SPOCD1: variants seen among roughly 807,000 people sequenced by gnomAD.
SPOCD1 encodes the protein SPOC domain containing 1, also known as SPOC domain-containing protein 1.
A neutral mutation model predicts 92.2 loss-of-function variants in SPOCD1; 64 were observed. The observed-to-expected ratio is 0.69, with a 90% CI of 0.57 to 0.86. SPOCD1 has a LOEUF of 0.86. Among genes scored for constraint, SPOCD1 ranks in the 40% least tolerant of loss-of-function variants. The pLI, the probability that SPOCD1 is intolerant of heterozygous loss-of-function variation, is 0.00. For missense variants in SPOCD1, 1,360 were observed against 1,543.1 expected, an observed-to-expected ratio of 0.88 and a Z score of 1.99; for synonymous variants, 578 against 619.3, an observed-to-expected ratio of 0.93 and a Z score of 0.99.
intron 4 of SPOCD1, 88 bp downstream of exon 4, chr1:31,800,353 C>G: frequency 1.4e-6 from 2 of 1,448,894 alleles, no homozygotes; most frequent in Non-Finnish European, 1.8e-6. Flanking sequence ...CAAGTGGCAC[C>G]CTCTCTCTGA....
intron 10 of SPOCD1, chr1:31,795,570 T>C (rs1176056934): frequency 6.8e-6 from 1 of 148,144 alleles, no homozygotes; most frequent in East Asian, 2.1e-4. Flanking sequence ...GTCTTTCTCC[T>C]ACATTGCCAT....
In SPOCD1 at chr1:31,798,826, G is replaced by C; in HGVS notation, c.1869-225C>G. 1.7e-6 allele frequency: 1 copy of C among 601,748 alleles called. No homozygotes were observed. 37.3% of individuals were successfully genotyped at this position (601,748 alleles called of 1,614,324 possible). ...TACTGGGGCTCAGGGAAAATAAGAG[G>C]CTTACTCACAACTGTGTAATTAGTG... On this transcript the variant is annotated intron_variant, in intron 7 of 15. Transcript: ENST00000360482. This position sits in a 1 kb window ranked among gnomAD's most constrained non-coding sequence, Gnocchi z 4.1.
intron 9 of SPOCD1, among the ~76,000 whole-genome samples, chr1:31,797,720 C>T (rs796949669): frequency 2.6e-5 from 4 of 152,346 alleles, no homozygotes; most frequent in African/African-American, 9.6e-5. Flanking sequence ...AGTGCCACAG[C>T]TTCCCTGTCC....
rs1259874119 is a variant in SPOCD1 at position 31,790,873 on chromosome 1, T to C, written c.3381A>G (p.Ala1127=). 13 of 1,576,490 alleles carry C rather than the reference T, an allele frequency of 8.2e-6. No homozygotes were observed. The highest frequency in any genetic ancestry group is 1.2e-5 in the South Asian group (1 of 85,092). The change falls in exon 16 of 16, where the codon GCA becomes GCG. Residue 1127 remains alanine, a synonymous_variant. Transcript: ENST00000360482. ...CACGGCCAAAGCCATGACCAGCTGG[T>C]GCTACTGAATAGGGATGCTGGGACT... ...LRQSQHPYSV[A]PAGHGFGRGQ...
Position 31,790,718 on chromosome 1 carries a change from A to G in SPOCD1, c.3536T>C (p.Leu1179Pro). ...TGCAAGGGCGCTAGACAAACGCTGC[A>G]GAGGGCGGGGGATGGAGCTCTTGGT... is the stretch of plus-strand genomic sequence containing the variant. ...PQTKSSIPRP[L>P]QRLSSALAAP... The change falls in exon 16 of 16, where the codon CTG becomes CCG. Residue 1179 changes from leucine (L) to proline (P), a missense_variant. By Grantham distance (98) the Leu-to-Pro change is moderately conservative. Coordinates refer to ENST00000360482, the MANE Select transcript of SPOCD1 (RefSeq NM_144569.7). 1 of 1,551,956 alleles carries G rather than the reference A, an allele frequency of 6.4e-7. No homozygotes were observed. The highest frequency in any genetic ancestry group is 8.7e-7 in the Non-Finnish European group (1 of 1,147,108).
Position 31,792,385 on chromosome 1 carries a change from C to A in SPOCD1, c.2792G>T (p.Arg931Ile). 1.2e-6 allele frequency: 2 copies of A among 1,613,668 alleles called. No homozygotes were observed. Among genetic ancestry groups the A allele is most frequent in the South Asian group, 1.1e-5 (1 of 91,034 alleles). Reference protein sequence around the residue: ...PAKAKDVCVVRLCPHGARDTQ... With the variant: ...PAKAKDVCVVILCPHGARDTQ... ...GTCCCGGGCCCCATGTGGGCACAGT[C>A]TGACCACGCAGACGTCCTGCGGTGG... Residue 931 changes from arginine to isoleucine, a missense_variant, in exon 15 of 16, where the codon AGA becomes ATA. Physicochemically the swap from Arg to Ile is moderately conservative, Grantham distance 97. Coordinates refer to ENST00000360482, the MANE Select transcript of SPOCD1 (RefSeq NM_144569.7).
Position 31,791,035 on chromosome 1 carries a change from C to T in SPOCD1, c.3219G>A (p.Gln1073=), listed in dbSNP as rs753586259. 9 of 1,612,026 alleles carry T rather than the reference C, an allele frequency of 5.6e-6. No individual in the cohort carries two copies. Among genetic ancestry groups the T allele is most frequent in the Admixed American group, 1.7e-5 (1 of 59,858 alleles). ...CCCTTGGAGCTATACTGCCCCTGCC[C>T]TGGCTCTGCTGCCAGGCACCTCCTG... ...PPPGGAWQQS[Q]GRGSIAPRGI... The change falls in exon 16 of 16, where the codon CAG becomes CAA. Residue 1073 remains glutamine, a synonymous_variant. Coordinates refer to ENST00000360482, the MANE Select transcript of SPOCD1 (RefSeq NM_144569.7).
chr1:31,790,526 G>T lies in SPOCD1; in HGVS notation c.*77C>A. 2.3e-6 allele frequency: 3 copies of T among 1,324,212 alleles called. No individual in the cohort carries two copies. The highest frequency in any genetic ancestry group is 3.1e-6 in the Non-Finnish European group (3 of 962,778). The allele number at this position is 1,324,212 out of a possible 1,614,324, so 82.0% of individuals were successfully genotyped here. On this transcript the variant is annotated 3_prime_UTR_variant, in exon 16 of 16. Coordinates refer to ENST00000360482, the MANE Select transcript of SPOCD1 (RefSeq NM_144569.7). The stretch of plus-strand genomic sequence containing the variant: ...GGGTAGGGCTGACCATCCTCTCCTT[G>T]CAGTCCCACCTCTCTCTGGAACAGG...
chr1:31,814,692 A>C lies in SPOCD1; in HGVS notation c.642T>G (p.Ala214=). 6.3e-7 allele frequency: 1 copy of C among 1,589,672 alleles called. No individual in the cohort carries two copies. The highest frequency in any genetic ancestry group is 2.2e-5 in the East Asian group (1 of 44,768). Reference sequence around the variant, plus strand: ...CAGCCCCTTCCTCACACTCTGAATGAGCCCCTTGCCTCCTCCATTTCTTTC... The same window carrying C: ...CAGCCCCTTCCTCACACTCTGAATGCGCCCCTTGCCTCCTCCATTTCTTTC... ...RVRKKWRRQG[A]HSECEEGAGD... is the part of the protein sequence containing the mutation. Residue 214 remains alanine, a synonymous_variant, in exon 2 of 16, where the codon GCT becomes GCG. Transcript: ENST00000360482. The surrounding 1 kb of genome is among the most constrained non-coding windows in gnomAD (Gnocchi z 4.2).
At chr1:31,810,352 G>GA (rs1649117063) in intron 2 of SPOCD1, among the ~76,000 whole-genome samples, 1 of 102,678 alleles carries the variant, frequency 9.7e-6, no homozygotes, top group Admixed American at 1.1e-4. Flanking sequence ...TATTAGTGTT[G>GA]AATTTTTTTT....
At chr1:31,812,871 G>A (rs192714011) in intron 2 of SPOCD1, among the ~76,000 whole-genome samples, 19 of 152,324 alleles carry the variant, frequency 1.2e-4, no homozygotes, top group African/African-American at 3.8e-4. Context: ...CTCCGTGGAC[G>A]TCGTGTGAAG....
chr1:31,797,808 G>A (rs1402525434), intron 9 of SPOCD1, among the ~76,000 whole-genome samples: 1 of 152,152 alleles, frequency 6.6e-6, no homozygotes, highest in Non-Finnish European at 1.5e-5. Flanking sequence ...GGGGCTATGG[G>A]GCCCCTCCCC....
chr1:31,795,619 G>C (rs1302810186), intron 10 of SPOCD1: 1 of 152,012 alleles, frequency 6.6e-6, no homozygotes, highest in Non-Finnish European at 1.5e-5. Flanking sequence ...TTAGACTGAG[G>C]AGCAGCCACA....
Position 31,798,123 on chromosome 1 carries a change from T to C in SPOCD1, c.2145+84A>G. On this transcript the variant is annotated intron_variant, in intron 9 of 15. Transcript: ENST00000360482. This position sits in a 1 kb window ranked among gnomAD's most constrained non-coding sequence, Gnocchi z 4.1. ...TGAATTCCTCCTCCCTCCCTCCCTG[T>C]CTCTGTCTCTCCCTCTTCCACTCTC... 2 of 1,004,728 alleles carry C rather than the reference T, an allele frequency of 2.0e-6. No homozygotes were observed. Among genetic ancestry groups the C allele is most frequent in the South Asian group, 1.3e-5 (1 of 78,006 alleles). 62.2% of individuals were successfully genotyped at this position (1,004,728 alleles called of 1,614,324 possible). A position where few individuals can be genotyped will look rare whatever the true frequency, so the allele number is the denominator to read the frequency against.
At chr1:31,796,140 C>T (rs868466994) in intron 10 of SPOCD1, 2 of 276,540 alleles carry the variant, frequency 7.2e-6, no homozygotes, top group East Asian at 9.9e-5. Context: ...TCCAGGAGGC[C>T]CTCTGGATGG....
chr1:31,803,325 T>C (rs1648585600), intron 2 of SPOCD1, among the ~76,000 whole-genome samples: 1 of 151,582 alleles, frequency 6.6e-6, no homozygotes, highest in Non-Finnish European at 1.5e-5. Flanking sequence ...AATATAACGA[T>C]CTTAATTAAA....
intron 2 of SPOCD1, among the ~76,000 whole-genome samples, chr1:31,804,936 T>G (rs1648714702): frequency 6.6e-6 from 1 of 151,888 alleles, no homozygotes; most frequent in Admixed American, 6.6e-5. Context: ...CCTTTATACT[T>G]TGATAAGTTA....
chr1:31,809,855 G>A (rs1164171224), intron 2 of SPOCD1, among the ~76,000 whole-genome samples: 1 of 152,048 alleles, frequency 6.6e-6, no homozygotes, highest in East Asian at 1.9e-4. Flanking sequence ...CCTGACACTC[G>A]ACCACCCTGC....
At chr1:31,809,816 C>T (rs545596740) in intron 2 of SPOCD1, among the ~76,000 whole-genome samples, 28 of 152,116 alleles carry the variant, frequency 1.8e-4, no homozygotes, top group Non-Finnish European at 3.2e-4. Flanking sequence ...TGATAAAGTT[C>T]CTTGGTCCCT....
Sources: gnomAD v4.1 joint callset for allele counts (sites outside exome capture counted in the v4.1 genomes callset) on GRCh38, gnomAD v4.1.1 for gene constraint, Gnocchi (gnomAD v3.1) non-coding constraint, MANE v1.5 for transcripts, NCBI Gene and HGNC (gene_info 2026-07-23, HGNC 2026-07-21) for gene names.